KCNIP1: variants seen among roughly 807,000 people sequenced by gnomAD.
KCNIP1 encodes the protein potassium voltage-gated channel interacting protein 1, also known as A-type potassium channel modulatory protein KCNIP1.
In KCNIP1, 18 loss-of-function variants were observed where a neutral mutation model predicts 33.0. The ratio of observed to expected loss-of-function variants is 0.55; its 90% CI spans 0.38 to 0.81. The LOEUF is 0.81. KCNIP1 is among the 30% of genes least tolerant of loss of function. The pLI, the probability that KCNIP1 is intolerant of heterozygous loss-of-function variation, is 0.00. For synonymous variants in KCNIP1, 93 were observed against 98.3 expected, an observed-to-expected ratio of 0.95 and a Z score of 0.32; for missense variants, 238 against 271.6, an observed-to-expected ratio of 0.88 and a Z score of 0.87.
At chr5:170,365,377 G>C (rs1407456068) in intron 1 of KCNIP1, among the ~76,000 whole-genome samples, 2 of 152,212 alleles carry the variant, frequency 1.3e-5, no homozygotes, top group Non-Finnish European at 2.9e-5. Context: ...GGCCGCCCAT[G>C]TTCCTGCATC....
At chr5:170,385,628 C>T (rs1764438350) in intron 1 of KCNIP1, among the ~76,000 whole-genome samples, 1 of 151,976 alleles carries the variant, frequency 6.6e-6, no homozygotes, top group African/African-American at 2.4e-5. Context: ...TTTTTGGACC[C>T]CATGTAAGCC....
intron 1 of KCNIP1, among the ~76,000 whole-genome samples, chr5:170,474,439 T>C (rs989501470): frequency 1.3e-5 from 2 of 152,186 alleles, no homozygotes; most frequent in Non-Finnish European, 2.9e-5. Context: ...TAATCTGTCT[T>C]ATGTAAATTT....
chr5:170,552,496 T>G (rs1206940892), intron 1 of KCNIP1, among the ~76,000 whole-genome samples: 1 of 152,064 alleles, frequency 6.6e-6, no homozygotes, highest in African/African-American at 2.4e-5. Flanking sequence ...GGGGCTGCTT[T>G]AAATTCAGAA....
At chr5:170,414,611 C>T (rs1755279579) in intron 1 of KCNIP1, among the ~76,000 whole-genome samples, 1 of 152,238 alleles carries the variant, frequency 6.6e-6, no homozygotes, top group South Asian at 2.1e-4. Flanking sequence ...AATTCAAAAT[C>T]ATTCATTGCT....
intron 1 of KCNIP1, among the ~76,000 whole-genome samples, chr5:170,567,302 C>G (rs13160550): frequency 0.57 from 86,270 of 151,988 alleles, 24,708 homozygotes; most frequent in East Asian, 0.67. Context: ...GTTATCCAGT[C>G]CAAAATGCCA....
At chr5:170,683,919 T>C (rs1020553547) in intron 1 of KCNIP1, among the ~76,000 whole-genome samples, 45 of 129,340 alleles carry the variant, frequency 3.5e-4, no homozygotes, top group Admixed American at 2.7e-3. Context: ...TGTGTGTGTG[T>C]GTGTGTGTGT....
At chr5:170,523,798 C>G (rs971530478) in intron 1 of KCNIP1, among the ~76,000 whole-genome samples, 1 of 152,172 alleles carries the variant, frequency 6.6e-6, no homozygotes, top group Non-Finnish European at 1.5e-5. Flanking sequence ...GCACTCCAGC[C>G]TGAGCCATTC....
At chr5:170,689,075 T>C (rs1351654780) in intron 1 of KCNIP1, among the ~76,000 whole-genome samples, 2 of 152,198 alleles carry the variant, frequency 1.3e-5, no homozygotes, top group Non-Finnish European at 2.9e-5. Flanking sequence ...CAGTGTTCAA[T>C]GTCCCTGAAG....
intron 1 of KCNIP1, among the ~76,000 whole-genome samples, chr5:170,628,761 C>T (rs1006121135): frequency 5.3e-5 from 8 of 152,312 alleles, no homozygotes; most frequent in East Asian, 3.9e-4. Context: ...GCAGTGCACG[C>T]GCTTCTGGCA....
At chr5:170,444,068 G>A (rs747796845) in intron 1 of KCNIP1, among the ~76,000 whole-genome samples, 1 of 152,258 alleles carries the variant, frequency 6.6e-6, no homozygotes, top group Non-Finnish European at 1.5e-5. Context: ...GTATGCAGAT[G>A]TGGTAAGTGG....
intron 1 of KCNIP1, among the ~76,000 whole-genome samples, chr5:170,363,811 A>T (rs1209657156): frequency 6.6e-6 from 1 of 152,134 alleles, no homozygotes; most frequent in East Asian, 1.9e-4. Flanking sequence ...CATCTCCAGA[A>T]CATTTTTCTT....
chr5:170,466,274 G>A (rs1341229363), intron 1 of KCNIP1, among the ~76,000 whole-genome samples: 2 of 152,188 alleles, frequency 1.3e-5, no homozygotes, highest in African/African-American at 2.4e-5. Context: ...CACCCAAGAG[G>A]AGGATGTGAT....
At chr5:170,356,419 C>A (rs566713232) in intron 1 of KCNIP1, among the ~76,000 whole-genome samples, 1 of 152,290 alleles carries the variant, frequency 6.6e-6, no homozygotes, top group South Asian at 2.1e-4. Context: ...CCCTCCCTGT[C>A]CTGCCTGTTC....
intron 1 of KCNIP1, among the ~76,000 whole-genome samples, chr5:170,697,975 G>T (rs2113829898): frequency 6.6e-6 from 1 of 152,194 alleles, no homozygotes; most frequent in Admixed American, 6.5e-5. Context: ...AACAAGTCCT[G>T]CCCTTTCTCC....
intron 1 of KCNIP1, among the ~76,000 whole-genome samples, chr5:170,525,012 G>T (rs1034270763): frequency 6.6e-6 from 1 of 152,230 alleles, no homozygotes; most frequent in African/African-American, 2.4e-5. Flanking sequence ...ACATTTGACG[G>T]TGGCAGCGTT....
At chr5:170,499,823 C>T (rs764859091), upstream of KCNIP1, among the ~76,000 whole-genome samples, 3 of 152,148 alleles carry the variant, frequency 2.0e-5, no homozygotes, top group Non-Finnish European at 4.4e-5. Context: ...TAACAGGATT[C>T]CTGCAGGTCT....
At chr5:170,585,560 G>C (rs1400405774) in intron 1 of KCNIP1, among the ~76,000 whole-genome samples, 1 of 152,076 alleles carries the variant, frequency 6.6e-6, no homozygotes. Flanking sequence ...GCCCATTACA[G>C]GCCTACAATA....
At chr5:170,448,996 T>C (rs1309802326) in intron 1 of KCNIP1, among the ~76,000 whole-genome samples, 1 of 152,222 alleles carries the variant, frequency 6.6e-6, no homozygotes, top group Non-Finnish European at 1.5e-5. Flanking sequence ...TCATGCTTAA[T>C]TCAAGGAAGC....
chr5:170,423,622 A>G (rs1242118305), intron 1 of KCNIP1, among the ~76,000 whole-genome samples: 1 of 152,226 alleles, frequency 6.6e-6, no homozygotes, highest in East Asian at 1.9e-4. Flanking sequence ...GCCAGCCTCG[A>G]GGATCCCCAG....
Sources: gnomAD v4.1 joint callset for allele counts (sites outside exome capture counted in the v4.1 genomes callset) on GRCh38, gnomAD v4.1.1 for gene constraint, MANE v1.5 for transcripts, NCBI Gene and HGNC (gene_info 2026-07-23, HGNC 2026-07-21) for gene names.